MALT1: variants seen among roughly 807,000 people sequenced by gnomAD.
MALT1 encodes mucosa-associated lymphoid tissue lymphoma translocation protein 1.
Under a neutral mutation model 85.5 loss-of-function variants are expected in MALT1, and 36 were observed. The observed-to-expected ratio is 0.42, with a 90% CI of 0.32 to 0.56. The LOEUF is 0.56. Among genes scored for constraint, MALT1 ranks in the 20% least tolerant of loss-of-function variants. The pLI is 0.10. For synonymous variants in MALT1, 359 were observed against 361.3 expected, an observed-to-expected ratio of 0.99 and a Z score of 0.07; for missense variants, 716 against 981.6, an observed-to-expected ratio of 0.73 and a Z score of 3.62.
intron 4 of MALT1, among the ~76,000 whole-genome samples, chr18:58,705,399 G>A (rs1045420189): frequency 2.0e-5 from 3 of 151,060 alleles, no homozygotes; most frequent in African/African-American, 7.3e-5. Flanking sequence ...ATGTATACAT[G>A]TGCCATGCTG....
rs35448733 is a variant in MALT1 at position 58,747,628 on chromosome 18, A to G, written c.2261A>G (p.Gln754Arg). ...SGGAGHYHSL[Q>R]DPFHGVYHSH... is the part of the protein sequence containing the mutation. ...GGAGCAGGGCATTATCACTCATTGC[A>G]AGACCCATTCCATGGTGTTTACCAT... The change falls in exon 17 of 17, where the codon CAA (glutamine) becomes CGA (arginine). Residue 754 changes from glutamine to arginine, a missense_variant. This residue lies in a region of MALT1 where 260 missense variants were observed against 323.7 expected (regional missense o/e 0.80). Transcript: ENST00000649217. 8 of 1,614,098 alleles carry G rather than the reference A, an allele frequency of 5.0e-6. No homozygotes were observed. The African/African-American group carries it at 5.3e-5, about 11-fold the overall frequency.
At chr18:58,722,377 T>G (rs2054996969) in intron 9 of MALT1, among the ~76,000 whole-genome samples, 1 of 152,204 alleles carries the variant, frequency 6.6e-6, no homozygotes, top group Non-Finnish European at 1.5e-5. Context: ...AAAGTCTCAG[T>G]GCACTAAGTT....
chr18:58,711,377 T>G (rs1468565413), intron 7 of MALT1, among the ~76,000 whole-genome samples: 1 of 152,220 alleles, frequency 6.6e-6, no homozygotes, highest in African/African-American at 2.4e-5. Flanking sequence ...ATTTAGTTTT[T>G]ATAAAAGTTT....
intron 13 of MALT1, among the ~76,000 whole-genome samples, chr18:58,739,924 T>C (rs1206877344): frequency 6.6e-6 from 1 of 152,218 alleles, no homozygotes; most frequent in African/African-American, 2.4e-5. Context: ...CTGGGAACTT[T>C]TGTATAAATT....
At chr18:58,694,437 T>C (rs1215389240) in intron 2 of MALT1, among the ~76,000 whole-genome samples, 1 of 152,158 alleles carries the variant, frequency 6.6e-6, no homozygotes, top group East Asian at 1.9e-4. Flanking sequence ...TGGTGGGTGG[T>C]AGAAGAAAAA....
chr18:58,742,091 C>G, intron 14 of MALT1, 77 bp downstream of exon 14: 2 of 1,218,174 alleles, frequency 1.6e-6, no homozygotes, highest in East Asian at 2.7e-5. Flanking sequence ...GAATAAATAA[C>G]TTTCCTCCCA....
chr18:58,734,137 G>A, intron 11 of MALT1, 170 bp from the exon 12 acceptor site: 2 of 1,299,732 alleles, frequency 1.5e-6, no homozygotes, highest in Middle Eastern at 2.7e-4. Context: ...CAAGGAGTTA[G>A]TGGGTTATTT....
At chr18:58,686,474 C>A (rs1467538907) in intron 2 of MALT1, among the ~76,000 whole-genome samples, 2 of 152,210 alleles carry the variant, frequency 1.3e-5, no homozygotes, top group African/African-American at 4.8e-5. Context: ...ACGATGGGAG[C>A]TGTTTAGAGA....
chr18:58,738,084 C>T (rs1233273022), intron 13 of MALT1, among the ~76,000 whole-genome samples: 1 of 152,090 alleles, frequency 6.6e-6, no homozygotes, highest in African/African-American at 2.4e-5. Flanking sequence ...TTGAAGTAAC[C>T]TACATCTAAT....
chr18:58,694,317 T>A (rs1273511334), intron 2 of MALT1, among the ~76,000 whole-genome samples: 4 of 152,368 alleles, frequency 2.6e-5, no homozygotes, highest in African/African-American at 9.6e-5. Flanking sequence ...GCTGTGACTT[T>A]CATGAACATT....
intron 13 of MALT1, among the ~76,000 whole-genome samples, chr18:58,736,076 C>T (rs906787303): frequency 6.6e-6 from 1 of 151,952 alleles, no homozygotes; most frequent in African/African-American, 2.4e-5. Context: ...TCACTTAAGG[C>T]CAAGAGTTCA....
chr18:58,684,451 T>G (rs1227257558), intron 2 of MALT1, among the ~76,000 whole-genome samples: 3 of 146,304 alleles, frequency 2.1e-5, no homozygotes, highest in African/African-American at 7.5e-5. Flanking sequence ...TTTTTTTTTT[T>G]TTTTTTTTTT....
chr18:58,696,794 T>C (rs1176457248), intron 3 of MALT1, among the ~76,000 whole-genome samples: 1 of 152,234 alleles, frequency 6.6e-6, no homozygotes, highest in South Asian at 2.1e-4. Flanking sequence ...GTATACAAAC[T>C]CTTCACAACA....
rs778667942 is a variant in MALT1 at position 58,749,254 on chromosome 18, T to C, written c.*1412T>C. The C allele has an allele frequency of 1.5e-4, 33 of 216,490 alleles. No individual in the cohort carries two copies. The highest frequency in any genetic ancestry group is 2.7e-4 in the Non-Finnish European group (29 of 107,652). 13.4% of individuals were successfully genotyped at this position (216,490 alleles called of 1,614,324 possible). ...ATTTGTGTATATGTGTGTATACATA[T>C]GTTTATCTCACACACATTATGAGCT... is the stretch of plus-strand genomic sequence containing the variant. On this transcript the variant is annotated 3_prime_UTR_variant, in exon 17 of 17. Coordinates refer to ENST00000649217, the MANE Select transcript of MALT1 (RefSeq NM_006785.4).
chr18:58,738,766 T>G (rs1337946691), intron 13 of MALT1, among the ~76,000 whole-genome samples: 2 of 138,662 alleles, frequency 1.4e-5, no homozygotes, highest in African/African-American at 5.7e-5. Flanking sequence ...TGAAACATCT[T>G]TTTATGTCAT....
intron 14 of MALT1, among the ~76,000 whole-genome samples, chr18:58,742,503 T>TA (rs894710987): frequency 7.9e-5 from 12 of 152,152 alleles, no homozygotes; most frequent in African/African-American, 2.9e-4. Flanking sequence ...GGTCAGGAGT[T>TA]AGACACCAGC....
At chr18:58,692,445 C>CTCTCTCTCT (rs1568129469) in intron 2 of MALT1, among the ~76,000 whole-genome samples, 361 of 28,402 alleles carry the variant, frequency 0.013, 18 homozygotes, top group East Asian at 0.047. Context: ...TCACTCTCTC[C>CTCTCTCTCT]CTCCCTCCCT....
At position 58,748,222 on chromosome 18, in the gene MALT1, A is replaced by C. The variant is rs2055398683; in HGVS notation, c.*380A>C. Reference sequence around the variant, plus strand: ...CTTGCCGATCACCAGGCATAACCTAATTTTATCCATGGAAGAAACACAGAA... The same window carrying C: ...CTTGCCGATCACCAGGCATAACCTACTTTTATCCATGGAAGAAACACAGAA... On this transcript the variant is annotated 3_prime_UTR_variant, in exon 17 of 17. Coordinates refer to ENST00000649217, the MANE Select transcript of MALT1 (RefSeq NM_006785.4). 3 of 252,842 alleles carry C rather than the reference A, an allele frequency of 1.2e-5. No individual in the cohort carries two copies. In the East Asian group the frequency reaches 1.9e-4, roughly 16 times the overall value. 15.7% of individuals were successfully genotyped at this position (252,842 alleles called of 1,614,324 possible). A position where few individuals can be genotyped will look rare whatever the true frequency, so the allele number is the denominator to read the frequency against.
At chr18:58,734,458 G>A (rs763954814) in intron 12 of MALT1, 77 bp downstream of exon 12, 4 of 1,131,600 alleles carry the variant, frequency 3.5e-6, no homozygotes, top group Non-Finnish European at 5.4e-6. Flanking sequence ...TAGGAGCAGG[G>A]GTCTTAACTC....
Sources: allele counts gnomAD v4.1 joint callset (sites outside exome capture counted in the v4.1 genomes callset), GRCh38; gene constraint gnomAD v4.1.1; regional missense constraint gnomAD v4.1.1; transcripts MANE v1.5; gene names NCBI Gene and HGNC (gene_info 2026-07-23, HGNC 2026-07-21).